The following TNFSF4 variants were observed in gnomAD, a reference collection of about 807,000 sequenced individuals.
TNFSF4 encodes the protein tumor necrosis factor ligand superfamily member 4.
Under a neutral mutation model 7.3 loss-of-function variants are expected in TNFSF4, and 4 were observed. The ratio of observed to expected loss-of-function variants is 0.55; its 90% CI spans 0.27 to 1.25. The LOEUF is 1.25. Among genes scored for constraint, TNFSF4 ranks in the 50% most tolerant of loss-of-function variants. TNFSF4 has a pLI of 0.12. For synonymous variants in TNFSF4, 76 were observed against 83.7 expected (o/e 0.91, Z 0.50); for missense variants, 181 against 208.8 (o/e 0.87, Z 0.82).
chr1:173,376,641 A>G, the TNFSF4 span, among the ~76,000 whole-genome samples: 6 of 152,342 alleles, frequency 3.9e-5, no homozygotes, highest in Admixed American at 2.6e-4. Context: ...TGCACCAATC[A>G]GCACTCTGTA....
In TNFSF4 at chr1:173,207,135, T is replaced by C; in HGVS notation, c.42A>G (p.Ala14=). The C allele has an allele frequency of 6.2e-7, 1 of 1,613,828 alleles. No homozygotes were observed. The highest frequency in any genetic ancestry group is 8.5e-7 in the Non-Finnish European group (1 of 1,179,824). The part of the protein sequence containing the change: ...VQPLEENVGN[A]ARPRFERNKL... ...TGTTCCTCTCGAATCTTGGCCTGGC[T>C]GCATTTCCCACATTCTCTTCCAGGG... Residue 14 remains alanine, a synonymous_variant, in exon 1 of 3, where the codon GCA becomes GCG. Coordinates refer to ENST00000281834, the MANE Select transcript of TNFSF4 (RefSeq NM_003326.5).
At chr1:173,278,429 G>C in the TNFSF4 span, among the ~76,000 whole-genome samples, 139 of 152,074 alleles carry the variant, frequency 9.1e-4, no homozygotes, top group South Asian at 0.011. Flanking sequence ...ATTCATTTCA[G>C]GTTCCAACTG....
the TNFSF4 span, among the ~76,000 whole-genome samples, chr1:173,261,916 G>T: frequency 6.6e-6 from 1 of 152,040 alleles, no homozygotes. Context: ...AGAGGAGCTG[G>T]TACCATTTCT....
intron 1 of TNFSF4, among the ~76,000 whole-genome samples, chr1:173,194,809 C>T (rs906039342): frequency 1.3e-5 from 2 of 149,256 alleles, no homozygotes; most frequent in East Asian, 2.0e-4. Context: ...GTGGGAGGAT[C>T]GCTTGAGCCC....
chr1:173,273,433 T>G, the TNFSF4 span, among the ~76,000 whole-genome samples: 1 of 152,180 alleles, frequency 6.6e-6, no homozygotes, highest in East Asian at 1.9e-4. Context: ...CAAAAAATTT[T>G]TGAAATAGTT....
chr1:173,317,869 G>C, the TNFSF4 span, among the ~76,000 whole-genome samples: 1 of 152,152 alleles, frequency 6.6e-6, no homozygotes, highest in East Asian at 1.9e-4. Context: ...GTTTTGAAAA[G>C]TTATCTCTGA....
At chr1:173,379,559 C>T in the TNFSF4 span, among the ~76,000 whole-genome samples, 1 of 152,150 alleles carries the variant, frequency 6.6e-6, no homozygotes, top group East Asian at 1.9e-4. Context: ...CAATCAGCCA[C>T]AGATATCAGG....
chr1:173,389,189 G>A, the TNFSF4 span, among the ~76,000 whole-genome samples: 7 of 152,094 alleles, frequency 4.6e-5, no homozygotes, highest in Non-Finnish European at 5.9e-5. Flanking sequence ...AAAACATGCT[G>A]CATGTTTTAC....
At chr1:173,371,104 C>A in the TNFSF4 span, among the ~76,000 whole-genome samples, 3 of 152,180 alleles carry the variant, frequency 2.0e-5, no homozygotes, top group Admixed American at 6.5e-5. Context: ...CCTCACTGAG[C>A]CCCAGGTACG....
the TNFSF4 span, among the ~76,000 whole-genome samples, chr1:173,379,190 T>C: frequency 1.3e-5 from 2 of 152,104 alleles, no homozygotes; most frequent in Non-Finnish European, 2.9e-5. Context: ...AATGATACAA[T>C]GACAGCCAAA....
chr1:173,219,909 G>C, the TNFSF4 span, among the ~76,000 whole-genome samples: 2 of 152,258 alleles, frequency 1.3e-5, 1 homozygote, highest in South Asian at 4.1e-4. Context: ...AATGGTGGGA[G>C]GGGCTGAGGG....
the TNFSF4 span, among the ~76,000 whole-genome samples, chr1:173,302,851 G>A: frequency 1.3e-5 from 2 of 151,682 alleles, no homozygotes; most frequent in Non-Finnish European, 2.9e-5. Context: ...TAGTGTTTTA[G>A]CCACTGATGA....
At chr1:173,360,624 C>T in the TNFSF4 span, among the ~76,000 whole-genome samples, 1 of 152,096 alleles carries the variant, frequency 6.6e-6, no homozygotes, top group African/African-American at 2.4e-5. Context: ...AGATAGCAGA[C>T]TTAGCTATGG....
At chr1:173,205,952 CCACA>C (rs1650168562) in intron 1 of TNFSF4, among the ~76,000 whole-genome samples, 1 of 152,150 alleles carries the variant, frequency 6.6e-6, no homozygotes, top group African/African-American at 2.4e-5. Flanking sequence ...GTGATCATAA[CCACA>C]CACACTCTTA....
At chr1:173,306,133 AT>A in the TNFSF4 span, among the ~76,000 whole-genome samples, 3 of 151,648 alleles carry the variant, frequency 2.0e-5, no homozygotes, top group African/African-American at 4.8e-5. Flanking sequence ...TTGGAAGGAG[AT>A]TTTTTCCCCT....
downstream of TNFSF4, among the ~76,000 whole-genome samples, chr1:173,181,769 T>A (rs994645765): frequency 6.6e-6 from 1 of 152,162 alleles, no homozygotes; most frequent in Non-Finnish European, 1.5e-5. Context: ...TTAAAAGTGT[T>A]CATGTGCCAA....
intron 1 of TNFSF4, among the ~76,000 whole-genome samples, chr1:173,198,981 A>G (rs1272195888): frequency 6.6e-6 from 1 of 152,220 alleles, no homozygotes; most frequent in Non-Finnish European, 1.5e-5. Context: ...GAAACCAAGT[A>G]CCTAATGCAA....
At chr1:173,367,273 A>G in the TNFSF4 span, among the ~76,000 whole-genome samples, 1 of 152,142 alleles carries the variant, frequency 6.6e-6, no homozygotes, top group African/African-American at 2.4e-5. Flanking sequence ...CCATGGATCA[A>G]CATTTGTATA....
chr1:173,374,922 C>T, the TNFSF4 span, among the ~76,000 whole-genome samples: 1 of 152,178 alleles, frequency 6.6e-6, no homozygotes, highest in Non-Finnish European at 1.5e-5. Flanking sequence ...TATCCTACTA[C>T]CACATACTCT....
Sources: gnomAD v4.1 joint callset for allele counts (sites outside exome capture counted in the v4.1 genomes callset) on GRCh38, gnomAD v4.1.1 for gene constraint, MANE v1.5 for transcripts, NCBI Gene and HGNC (gene_info 2026-07-23, HGNC 2026-07-21) for gene names.